The following TBC1D2B variants were observed in gnomAD, a reference collection of about 807,000 sequenced individuals.
TBC1D2B encodes TBC1 domain family, member 2B.
A neutral mutation model predicts 100.8 loss-of-function variants in TBC1D2B; 64 were observed. The observed-to-expected ratio is 0.64, with a 90% CI of 0.52 to 0.78. The LOEUF is 0.78. Ranked by LOEUF, TBC1D2B falls within the 30% of genes least tolerant of loss-of-function variation. The probability of loss-of-function intolerance (pLI) is 0.00; values close to 1 mark genes in which losing one functional copy is unlikely to be tolerated. For synonymous variants in TBC1D2B, 480 were observed against 479.7 expected (o/e 1.00, Z -0.01); for missense variants, 1,052 against 1,218.4 (o/e 0.86, Z 2.03).
intron 9 of TBC1D2B, among the ~76,000 whole-genome samples, chr15:78,009,824 A>C (rs2072172292): frequency 6.6e-6 from 1 of 152,010 alleles, no homozygotes. Flanking sequence ...GATACAAAAA[A>C]ATTAGCCAGG....
chr15:78,020,088 G>T (rs148424140), intron 6 of TBC1D2B, among the ~76,000 whole-genome samples: 5 of 152,114 alleles, frequency 3.3e-5, no homozygotes, highest in African/African-American at 4.8e-5. Context: ...TCACTATGTT[G>T]CCCAGGCTGG....
chr15:78,041,827 G>A (rs1202123908), intron 3 of TBC1D2B, among the ~76,000 whole-genome samples: 1 of 152,226 alleles, frequency 6.6e-6, no homozygotes. Flanking sequence ...GCCTCCACCA[G>A]CAACAGCAAC....
chr15:78,040,946 A>G (rs372639012), intron 3 of TBC1D2B, among the ~76,000 whole-genome samples: 3 of 150,942 alleles, frequency 2.0e-5, no homozygotes, highest in African/African-American at 7.3e-5. Flanking sequence ...GAAGAGATCA[A>G]TCTGGGGATA....
At chr15:78,014,990 A>G (rs1394921016) in intron 8 of TBC1D2B, among the ~76,000 whole-genome samples, 2 of 152,206 alleles carry the variant, frequency 1.3e-5, no homozygotes, top group African/African-American at 4.8e-5. Flanking sequence ...TCACAAGGTC[A>G]GGAGATCGAG....
rs1019285237 is a variant in TBC1D2B at position 78,011,890 on chromosome 15, G to A, written c.2270+933C>T. 6.6e-5 allele frequency among the ~76,000 whole-genome samples: 10 copies of A among 151,952 alleles called. 1 individual carries two copies. In the South Asian group the frequency reaches 8.3e-4, roughly 13 times the overall value. On this transcript the variant is annotated intron_variant, in intron 9 of 12. Coordinates refer to ENST00000300584, the MANE Select transcript of TBC1D2B (RefSeq NM_144572.2). ...TTGAACTCCTGACCTCAGGTGATCC[G>A]CCTGCCTCGACCTCCCAAAGTGCCA...
chr15:78,055,868 T>C (rs1018311176), intron 1 of TBC1D2B, among the ~76,000 whole-genome samples: 1 of 152,196 alleles, frequency 6.6e-6, no homozygotes, highest in African/African-American at 2.4e-5. Flanking sequence ...GTTTCCATGT[T>C]GCATTAAGTG....
intron 3 of TBC1D2B, chr15:78,034,510 C>T (rs774126036): frequency 8.1e-6 from 8 of 985,294 alleles, no homozygotes; most frequent in Non-Finnish European, 6.0e-6. Context: ...CTCCTCAGCT[C>T]TGGTTCCTAA....
At chr15:78,009,535 G>A (rs2072162824) in intron 9 of TBC1D2B, among the ~76,000 whole-genome samples, 1 of 150,166 alleles carries the variant, frequency 6.7e-6, no homozygotes, top group Non-Finnish European at 1.5e-5. Context: ...ACAAGACCTT[G>A]TCTCATTAAA....
intron 1 of TBC1D2B, among the ~76,000 whole-genome samples, chr15:78,070,187 C>T (rs933846189): frequency 6.6e-5 from 10 of 152,160 alleles, no homozygotes; most frequent in African/African-American, 2.2e-4. Context: ...ACCAGCACCC[C>T]CACCTAAGGG....
In TBC1D2B at chr15:78,030,554, C is replaced by A. The variant is rs375652928; in HGVS notation, c.684-384G>T. Among the ~76,000 whole-genome samples the A allele has an allele frequency of 1.6e-4, 24 of 152,222 alleles. No individual in the cohort carries two copies. The South Asian group carries it at 3.9e-3, about 25-fold the overall frequency. On this transcript the variant is annotated intron_variant, in intron 3 of 12. Transcript: ENST00000300584. Reference sequence around the variant, plus strand: ...GAACTCTTGACCTCAAGGTGATCTGCCCACCTCGGCCTCCCAAAGTGCTGG... The same window carrying A: ...GAACTCTTGACCTCAAGGTGATCTGACCACCTCGGCCTCCCAAAGTGCTGG...
intron 1 of TBC1D2B, among the ~76,000 whole-genome samples, chr15:78,065,666 T>C (rs562592337): frequency 2.6e-5 from 4 of 152,264 alleles, no homozygotes; most frequent in East Asian, 1.9e-4. Flanking sequence ...GCCTATTGGA[T>C]GGTCTTGCTC....
In TBC1D2B at chr15:78,024,295, A is replaced by G; in HGVS notation, c.1331T>C (p.Met444Thr). 6.2e-7 allele frequency: 1 copy of G among 1,614,054 alleles called. No individual in the cohort carries two copies. Among genetic ancestry groups the G allele is most frequent in the East Asian group, 2.2e-5 (1 of 44,880 alleles). ...CTCGTCCTTGGCTTGGATGGTCTCC[A>G]TGAGCATTCCCAGCTGCTCGTTGAG... is the stretch of plus-strand genomic sequence containing the variant. Reference protein sequence around the residue: ...GELNEQLGMLMETIQAKDEVI... With the variant: ...GELNEQLGMLTETIQAKDEVI... The change falls in exon 6 of 13, where the codon ATG becomes ACG. Residue 444 changes from methionine (M) to threonine (T), a missense_variant. Physicochemically the swap from Met to Thr is moderately conservative, Grantham distance 81. Coordinates refer to ENST00000300584, the MANE Select transcript of TBC1D2B (RefSeq NM_144572.2).
At chr15:78,001,228 C>A (rs1040137066) in intron 12 of TBC1D2B, among the ~76,000 whole-genome samples, 1 of 152,344 alleles carries the variant, frequency 6.6e-6, no homozygotes, top group African/African-American at 2.4e-5. Context: ...CCCTCTACCA[C>A]AGCATGGATC....
chr15:78,076,241 T>G (rs1338231287), intron 1 of TBC1D2B, among the ~76,000 whole-genome samples: 1 of 152,120 alleles, frequency 6.6e-6, no homozygotes, highest in Non-Finnish European at 1.5e-5. Context: ...TATCTCTCAT[T>G]TTGTCTGTCC....
At chr15:78,006,906 T>C (rs927648837) in intron 10 of TBC1D2B, among the ~76,000 whole-genome samples, 3 of 152,328 alleles carry the variant, frequency 2.0e-5, no homozygotes, top group South Asian at 4.1e-4. Flanking sequence ...GACAGGGCCG[T>C]GGCCCTCAGG....
At chr15:78,021,456 C>T (rs1246618658) in intron 6 of TBC1D2B, among the ~76,000 whole-genome samples, 4 of 152,212 alleles carry the variant, frequency 2.6e-5, no homozygotes, top group Non-Finnish European at 5.9e-5. Flanking sequence ...ACACCCACTT[C>T]TGTCAGTGCG....
intron 9 of TBC1D2B, among the ~76,000 whole-genome samples, chr15:78,012,327 C>A (rs2072252290): frequency 6.6e-6 from 1 of 152,076 alleles, no homozygotes; most frequent in Non-Finnish European, 1.5e-5. Context: ...GCATCCTCTG[C>A]CTATGGAAGT....
intron 1 of TBC1D2B, among the ~76,000 whole-genome samples, chr15:78,065,277 TAGA>T (rs1292494908): frequency 6.6e-6 from 1 of 152,240 alleles, no homozygotes; most frequent in Non-Finnish European, 1.5e-5. Context: ...GGTAATGGAC[TAGA>T]AGAATAGGGC....
intron 1 of TBC1D2B, among the ~76,000 whole-genome samples, chr15:78,063,368 A>C (rs28485414): frequency 0.063 from 9,636 of 152,320 alleles, 479 homozygotes; most frequent in African/African-American, 0.13. Flanking sequence ...AAGGGGAAGG[A>C]TGAGAGAGCA....
Sources: gnomAD v4.1 joint callset for allele counts (sites outside exome capture counted in the v4.1 genomes callset) on GRCh38, gnomAD v4.1.1 for gene constraint, MANE v1.5 for transcripts, NCBI Gene and HGNC (gene_info 2026-07-23, HGNC 2026-07-21) for gene names.